Variants in CSPG4 observed in about 807,000 individuals in gnomAD.
The protein encoded by CSPG4 is chondroitin sulfate proteoglycan 4 (melanoma-associated).
A neutral mutation model predicts 139.3 loss-of-function variants in CSPG4; 74 were observed. The ratio of observed to expected loss-of-function variants is 0.53; its 90% CI spans 0.44 to 0.64. CSPG4 has a LOEUF of 0.64. Ranked by LOEUF, CSPG4 falls within the 30% of genes least tolerant of loss-of-function variation. CSPG4 has a pLI of 0.00. For synonymous variants in CSPG4, 1,234 were observed against 1,394.2 expected, an observed-to-expected ratio of 0.89 and a Z score of 2.56; for missense variants, 2,565 against 3,148.3, an observed-to-expected ratio of 0.81 and a Z score of 4.43.
Position 75,682,952 on chromosome 15 carries a change from G to C in CSPG4, c.4539C>G (p.Ile1513Met), listed in dbSNP as rs753767013. ...DSGSEDLVYT[I>M]EQPSNGRVVL... is the part of the protein sequence containing the mutation. ...CTACCCGCCCGTTGCTGGGCTGCTC[G>C]ATGGTGTAGACCAGATCCTCAGACC... The change falls in exon 6 of 10, where the codon ATC becomes ATG. Residue 1513 changes from isoleucine to methionine, a missense_variant. Physicochemically the swap from Ile to Met is conservative, Grantham distance 10. Coordinates refer to ENST00000308508, the MANE Select transcript of CSPG4 (RefSeq NM_001897.5). 6.2e-7 allele frequency: 1 copy of C among 1,611,418 alleles called. No individual in the cohort carries two copies. Among genetic ancestry groups the C allele is most frequent in the African/African-American group, 1.3e-5 (1 of 74,860 alleles).
intron 1 of CSPG4, among the ~76,000 whole-genome samples, chr15:75,705,058 G>A (rs1894352812): frequency 6.6e-6 from 1 of 152,214 alleles, no homozygotes; most frequent in Non-Finnish European, 1.5e-5. Context: ...TCTGGGGACA[G>A]GGGGTTCCTG....
At chr15:75,703,428 G>C (rs1208506492) in intron 1 of CSPG4, among the ~76,000 whole-genome samples, 1 of 151,770 alleles carries the variant, frequency 6.6e-6, no homozygotes, top group Non-Finnish European at 1.5e-5. Context: ...TCCAGGCAGC[G>C]TGGTCAGAGT....
At position 75,675,846 on chromosome 15, in the gene CSPG4, C is replaced by T. The variant is rs144145089; in HGVS notation, c.6673G>A (p.Val2225Ile). ...LSFLEANMFS[V>I]IIPMCLVLLL... is the part of the protein sequence containing the mutation. ...AGTACCAGGCACATGGGGATGATGACGCTGAACATGTTGGCCTCAAGGAAG... is the reference window on the plus strand; with the variant it reads ...AGTACCAGGCACATGGGGATGATGATGCTGAACATGTTGGCCTCAAGGAAG... The change falls in exon 10 of 10, where the codon GTC (valine) becomes ATC (isoleucine). Residue 2225 changes from valine to isoleucine, a missense_variant. Coordinates refer to ENST00000308508, the MANE Select transcript of CSPG4 (RefSeq NM_001897.5). The T allele has an allele frequency of 5.6e-6, 9 of 1,611,256 alleles. No individual in the cohort carries two copies. Among genetic ancestry groups the T allele is most frequent in the African/African-American group, 4.0e-5 (3 of 74,940 alleles).
At position 75,676,403 on chromosome 15, in the gene CSPG4, A is replaced by C; in HGVS notation, c.6116T>G (p.Val2039Gly). The C allele has an allele frequency of 6.2e-7, 1 of 1,613,700 alleles. No individual in the cohort carries two copies. The highest frequency in any genetic ancestry group is 1.1e-5 in the South Asian group (1 of 91,092). The change falls in exon 10 of 10, where the codon GTG becomes GGG. Residue 2039 changes from valine to glycine, a missense_variant. Physicochemically the swap from Val to Gly is moderately radical, Grantham distance 109. Coordinates refer to ENST00000308508, the MANE Select transcript of CSPG4 (RefSeq NM_001897.5). ...CAGCAGAGCCCTCACAGTGACGTTC[A>C]CTACGGCTGATGCATTGACACCCCT... ...LARGVNASAVVNVTVRALLHV... is the reference protein window; with the variant it reads ...LARGVNASAVGNVTVRALLHV...
Position 75,689,343 on chromosome 15 carries a change from C to T in CSPG4, c.1722G>A (p.Gly574=). 1 of 1,611,536 alleles carries T rather than the reference C, an allele frequency of 6.2e-7. No homozygotes were observed. ...VILEHTQKPL[G]PEVFQAYDPD... ...GGTCATAGGCCTGGAAAACCTCAGG[C>T]CCCAGCGGCTTCTGCGTGTGTTCCA... Residue 574 remains glycine (G), a synonymous_variant, in exon 3 of 10, where the codon GGG becomes GGA. Transcript: ENST00000308508.
At position 75,698,738 on chromosome 15, in the gene CSPG4, C is replaced by G. The variant is rs1197026643; in HGVS notation, c.89-5505G>C. On this transcript the variant is annotated intron_variant, in intron 1 of 9. Coordinates refer to ENST00000308508, the MANE Select transcript of CSPG4 (RefSeq NM_001897.5). This position sits in a 1 kb window ranked among gnomAD's most constrained non-coding sequence, Gnocchi z 4.3. ...AGGGAGAAGCTGTCTGGTGTGCCTA[C>G]TCAGGGGTGAGCCCCTCTCAAACCT... Among the ~76,000 whole-genome samples, 1 of 152,118 alleles carries G rather than the reference C, an allele frequency of 6.6e-6. No homozygotes were observed. Among genetic ancestry groups the G allele is most frequent in the East Asian group, 1.9e-4 (1 of 5,170 alleles).
rs1190198380 is a variant in CSPG4, at chr15:75,712,660, T to A, written c.88+8A>T. The A allele has an allele frequency of 6.4e-7, 1 of 1,555,070 alleles. No homozygotes were observed. Among genetic ancestry groups the A allele is most frequent in the Non-Finnish European group, 8.7e-7 (1 of 1,149,492 alleles). On this transcript the variant is annotated splice_region_variant and intron_variant, in intron 1 of 9. Transcript: ENST00000308508. ...AGGCTGGGTCGGGGTCTCAGGCCCC[T>A]CACTCACCCGCGGATGCAAGTCTGG...
In CSPG4 at chr15:75,682,454, C is replaced by G. The variant is rs570779256; in HGVS notation, c.4789G>C (p.Val1597Leu). The G allele has an allele frequency of 2.6e-4, 411 of 1,578,848 alleles. 5 individuals carry two copies. The South Asian group carries it at 4.4e-3, about 17-fold the overall frequency. ...AGGGTCTGACTGCTGAGTGGCTGGA[C>G]GGACCCTGCCAGAGGCAAAAGGGGA... The part of the protein sequence containing the change: ...SQTLTVCPGS[V>L]QPLSSQTLRA... Residue 1597 changes from valine (V) to leucine (L), a missense_variant, in exon 8 of 10, where the codon GTC (valine) becomes CTC (leucine). Physicochemically the swap from Val to Leu is conservative, Grantham distance 32. Coordinates refer to ENST00000308508, the MANE Select transcript of CSPG4 (RefSeq NM_001897.5).
Position 75,676,877 on chromosome 15 carries a change from A to C in CSPG4, c.5642T>G (p.Leu1881Arg). The stretch of plus-strand genomic sequence containing the variant: ...CCCCAGGCCACCACCCACCAGGCTG[A>C]GGAAGCCGTTGTGGGGTGCCCGCTG... The part of the protein sequence containing the change: ...EVQRAPHNGF[L>R]SLVGGGLGPV... The change falls in exon 10 of 10, where the codon CTC (leucine) becomes CGC (arginine). Residue 1881 changes from leucine to arginine, a missense_variant. By Grantham distance (102) the Leu-to-Arg change is moderately radical. Coordinates refer to ENST00000308508, the MANE Select transcript of CSPG4 (RefSeq NM_001897.5). The C allele has an allele frequency of 6.3e-7, 1 of 1,591,788 alleles. No homozygotes were observed.
chr15:75,698,212 G>A lies in CSPG4; in HGVS notation c.89-4979C>T, dbSNP rs764595670. ...GGCGGGAGATCCTGGCTCCAGGTCT[G>A]GGCAGGCAGGGGTGAGGGAGTCTGA... On this transcript the variant is annotated intron_variant, in intron 1 of 9. Transcript: ENST00000308508. The surrounding 1 kb of genome is among the most constrained non-coding windows in gnomAD (Gnocchi z 4.3). 1.2e-4 allele frequency among the ~76,000 whole-genome samples: 19 copies of A among 152,092 alleles called. No individual in the cohort carries two copies. Among genetic ancestry groups the A allele is most frequent in the Non-Finnish European group, 2.4e-4 (16 of 68,016 alleles).
chr15:75,695,582 C>T (rs531468519), intron 1 of CSPG4, among the ~76,000 whole-genome samples: 6 of 152,324 alleles, frequency 3.9e-5, no homozygotes, highest in African/African-American at 1.4e-4. Context: ...CCCTCCACCT[C>T]CTGGTCTCCT....
intron 8 of CSPG4, among the ~76,000 whole-genome samples, chr15:75,681,035 G>A (rs1014538964): frequency 4.6e-5 from 7 of 152,198 alleles, no homozygotes; most frequent in Admixed American, 2.0e-4. Context: ...GCCTGGTCCC[G>A]TGCCCTCTCC....
intron 8 of CSPG4, 70 bp downstream of exon 8, chr15:75,682,223 G>C (rs1272934786): frequency 2.2e-5 from 34 of 1,536,190 alleles, no homozygotes; most frequent in Non-Finnish European, 2.8e-5. Context: ...ATGTCCACAT[G>C]ATGTCCATGG....
chr15:75,675,920 G>A lies in CSPG4; in HGVS notation c.6599C>T (p.Pro2200Leu). The A allele has an allele frequency of 6.2e-7, 1 of 1,600,294 alleles. No homozygotes were observed. The highest frequency in any genetic ancestry group is 1.1e-5 in the South Asian group (1 of 90,936). Reference sequence around the variant, plus strand: ...AGCGGGCTCAGGGCTGGATGCCATGGGGCCTGGCTCGCCTGTGGGGGTGCT... The same window carrying A: ...AGCGGGCTCAGGGCTGGATGCCATGAGGCCTGGCTCGCCTGTGGGGGTGCT... ...ESSTPTGEPG[P>L]MASSPEPAVA... Residue 2200 changes from proline to leucine, a missense_variant, in exon 10 of 10, where the codon CCC (proline) becomes CTC (leucine). Physicochemically the swap from Pro to Leu is moderately conservative, Grantham distance 98. Coordinates refer to ENST00000308508, the MANE Select transcript of CSPG4 (RefSeq NM_001897.5).
chr15:75,705,431 G>A (rs1894357506), intron 1 of CSPG4, among the ~76,000 whole-genome samples: 1 of 152,256 alleles, frequency 6.6e-6, no homozygotes, highest in African/African-American at 2.4e-5. Context: ...GGAAGAAGAT[G>A]CTAATAGCAG....
intron 8 of CSPG4, among the ~76,000 whole-genome samples, chr15:75,678,271 G>C (rs1261660999): frequency 6.6e-6 from 1 of 152,168 alleles, no homozygotes; most frequent in Non-Finnish European, 1.5e-5. Context: ...TATGGTGTCA[G>C]TTCCCCCCAG....
intron 8 of CSPG4, chr15:75,678,556 G>A (rs966568879): frequency 2.3e-6 from 1 of 437,876 alleles, no homozygotes; most frequent in East Asian, 7.2e-5. Context: ...GTCTCACTAT[G>A]TTGCCCAGGC....
Position 75,688,972 on chromosome 15 carries a change from C to T in CSPG4, c.2093G>A (p.Ser698Asn), listed in dbSNP as rs150116077. 6.6e-5 allele frequency: 107 copies of T among 1,612,520 alleles called. No individual in the cohort carries two copies. In the African/African-American group the frequency reaches 1.3e-3, roughly 19 times the overall value. The change falls in exon 3 of 10, where the codon AGC (serine) becomes AAC (asparagine). Residue 698 changes from serine (S) to asparagine (N), a missense_variant. Transcript: ENST00000308508. ...GGCCCCAGTGACGCGGAACAGCACG[C>T]TCACATCCTGCCCCACGGCATTGGT... ...VETNAVGQDV[S>N]VLFRVTGALQ...
Position 75,685,263 on chromosome 15 carries a change from C to T in CSPG4, c.4228G>A (p.Asp1410Asn), listed in dbSNP as rs1468759675. 1 of 1,548,006 alleles carries T rather than the reference C, an allele frequency of 6.5e-7. No homozygotes were observed. The highest frequency in any genetic ancestry group is 1.9e-5 in the Admixed American group (1 of 52,212). Residue 1410 changes from aspartate to asparagine, a missense_variant, in exon 4 of 10, where the codon GAC becomes AAC. This residue lies in a region of CSPG4 where 2,316 missense variants were observed against 2,818.2 expected (regional missense o/e 0.82). Transcript: ENST00000308508. Reference sequence around the variant, plus strand: ...CTGAGGGTCCTGGCTTGAGGTCCGTCCTCCTTCTGCAGGGCTCCATGCTGG... The same window carrying T: ...CTGAGGGTCCTGGCTTGAGGTCCGTTCTCCTTCTGCAGGGCTCCATGCTGG... ...PPQHGALQKEDGPQARTLSAF... is the reference protein window; with the variant it reads ...PPQHGALQKENGPQARTLSAF...
Sources: gnomAD v4.1 joint callset for allele counts (sites outside exome capture counted in the v4.1 genomes callset) on GRCh38, gnomAD v4.1.1 for gene constraint, gnomAD v4.1.1 regional missense constraint, Gnocchi (gnomAD v3.1) non-coding constraint, MANE v1.5 for transcripts, NCBI Gene and HGNC (gene_info 2026-07-23, HGNC 2026-07-21) for gene names.